Variants in ABI3BP observed in about 807,000 individuals in gnomAD.
ABI3BP encodes ABI family member 3 binding protein, also known as target of Nesh-SH3.
ABI3BP carries 216 observed loss-of-function variants against 268.6 expected under a neutral mutation model. That is an observed-to-expected ratio of 0.80 (90% CI 0.72 to 0.90). The LOEUF is 0.90. Ranked by LOEUF, ABI3BP falls within the 40% of genes least tolerant of loss-of-function variation. The pLI is 0.00. For missense variants in ABI3BP, 2,090 were observed against 2,182.4 expected (o/e 0.96, Z 0.84); for synonymous variants, 730 against 730.0 (o/e 1.00, Z 0.00).
In ABI3BP at chr3:100,789,238, A is replaced by T. The variant is rs544197751; in HGVS notation, c.4087+216T>A. On this transcript the variant is annotated intron_variant, in intron 56 of 67. Coordinates refer to ENST00000471714, the MANE Select transcript of ABI3BP (RefSeq NM_001375547.2). Reference sequence around the variant, plus strand: ...TACTTTTAAATCAATAAAATTTCATAGTGATCTCTGCATCTGATTATCCTC... The same window carrying T: ...TACTTTTAAATCAATAAAATTTCATTGTGATCTCTGCATCTGATTATCCTC... 7.9e-5 allele frequency among the ~76,000 whole-genome samples: 12 copies of T among 152,226 alleles called. No homozygotes were observed. The South Asian group carries it at 2.3e-3, about 29-fold the overall frequency.
intron 51 of ABI3BP, 41 bp downstream of exon 51, chr3:100,804,750 CA>C: frequency 1.3e-6 from 2 of 1,539,142 alleles, no homozygotes; most frequent in Middle Eastern, 1.7e-4. Context: ...CAGAGTGGGA[CA>C]GTAGAATGCA....
intron 38 of ABI3BP, among the ~76,000 whole-genome samples, chr3:100,821,597 C>CTTTTTTT (rs369631203): frequency 2.5e-5 from 3 of 119,136 alleles, no homozygotes; most frequent in Admixed American, 8.9e-5. Flanking sequence ...TGAAGTAAGA[C>CTTTTTTT]TTTTTTTTTT....
chr3:100,990,762 G>A (rs1287860925), intron 1 of ABI3BP, among the ~76,000 whole-genome samples: 1 of 152,038 alleles, frequency 6.6e-6, no homozygotes, highest in African/African-American at 2.4e-5. Flanking sequence ...AGAGGAACCT[G>A]CCTATCTGGC....
chr3:100,754,916 G>A (rs1354436019), intron 63 of ABI3BP, among the ~76,000 whole-genome samples: 3 of 152,132 alleles, frequency 2.0e-5, no homozygotes, highest in Non-Finnish European at 2.9e-5. Flanking sequence ...TAATAAAAAA[G>A]ATGGTTGTCT....
At chr3:100,848,694 T>G in intron 18 of ABI3BP, 107 bp downstream of exon 18, 1 of 1,073,824 alleles carries the variant, frequency 9.3e-7, no homozygotes, top group South Asian at 1.3e-5. Flanking sequence ...CCCAAAGTGC[T>G]GGAGTTGCAG....
intron 63 of ABI3BP, among the ~76,000 whole-genome samples, chr3:100,762,046 C>T (rs968729668): frequency 2.6e-5 from 4 of 152,130 alleles, no homozygotes; most frequent in Non-Finnish European, 4.4e-5. Flanking sequence ...TCAACTTTGC[C>T]ATACACTTTG....
chr3:100,897,700 A>G (rs1449671572), intron 4 of ABI3BP, among the ~76,000 whole-genome samples: 1 of 152,206 alleles, frequency 6.6e-6, no homozygotes, highest in African/African-American at 2.4e-5. Flanking sequence ...CCTGATGGGT[A>G]TTGGATACAT....
intron 2 of ABI3BP, among the ~76,000 whole-genome samples, chr3:100,910,063 T>C (rs2055576518): frequency 6.6e-6 from 1 of 151,926 alleles, no homozygotes; most frequent in Admixed American, 6.6e-5. Flanking sequence ...ATGTGGCACA[T>C]ATACACTATG....
intron 2 of ABI3BP, among the ~76,000 whole-genome samples, chr3:100,918,274 ATCCACCCG>A (rs1460302276): frequency 1.3e-5 from 2 of 149,602 alleles, no homozygotes. Flanking sequence ...CCACCTATTC[ATCCACCCG>A]TCCACCCATC....
rs1248408883 is a variant in ABI3BP at position 100,808,233 on chromosome 3, G to A, written c.3610C>T (p.Pro1204Ser). ...SPDEPQTEPA[P>S]KQTPRAPPKP... ...GGAGGAGCACGTGGTGTCTGCTTGG[G>A]AGCTAAAAGAAAGGATATAGGTTCG... Residue 1204 changes from proline to serine, a missense_variant and splice_region_variant, in exon 50 of 68, where the codon CCC becomes TCC. Coordinates refer to ENST00000471714, the MANE Select transcript of ABI3BP (RefSeq NM_001375547.2). 7.5e-6 allele frequency: 12 copies of A among 1,607,622 alleles called. No individual in the cohort carries two copies. In the South Asian group the frequency reaches 1.2e-4, roughly 16 times the overall value.
chr3:100,844,309 T>C (rs1269309885), intron 20 of ABI3BP: 1 of 985,284 alleles, frequency 1.0e-6, no homozygotes, highest in Non-Finnish European at 1.2e-6. Flanking sequence ...AGCTTAAAGA[T>C]TAAACCATGA....
intron 1 of ABI3BP, among the ~76,000 whole-genome samples, chr3:100,931,354 G>A (rs1394474792): frequency 6.6e-6 from 1 of 151,944 alleles, no homozygotes; most frequent in Non-Finnish European, 1.5e-5. Context: ...AGAGCAATCA[G>A]GAAAGAGAAA....
Position 100,750,051 on chromosome 3 carries a change from A to ATAAT in ABI3BP, c.*440_*443dup. On this transcript the variant is annotated 3_prime_UTR_variant, in exon 68 of 68. Coordinates refer to ENST00000471714, the MANE Select transcript of ABI3BP (RefSeq NM_001375547.2). ...TTTTCCCCAGATATACATGCTGAAGATAATTTGATCCAATAAGTTAAACTA... is the reference window on the plus strand; with the variant it reads ...TTTTCCCCAGATATACATGCTGAAGATAATTAATTTGATCCAATAAGTTAAACTA... 1 of 272,326 alleles carries ATAAT rather than the reference A, an allele frequency of 3.7e-6. No individual in the cohort carries two copies. Among genetic ancestry groups the ATAAT allele is most frequent in the South Asian group, 1.7e-4 (1 of 5,934 alleles). 16.9% of individuals were successfully genotyped at this position (272,326 alleles called of 1,614,324 possible).
chr3:100,942,294 G>A (rs2153717985), intron 1 of ABI3BP, among the ~76,000 whole-genome samples: 1 of 152,196 alleles, frequency 6.6e-6, no homozygotes, highest in South Asian at 2.1e-4. Flanking sequence ...TATAAAAGGG[G>A]TGGAAGAAAG....
chr3:100,852,935 A>G (rs551434107), intron 14 of ABI3BP, among the ~76,000 whole-genome samples: 2 of 152,226 alleles, frequency 1.3e-5, no homozygotes, highest in Admixed American at 6.5e-5. Context: ...GATATAGAGA[A>G]CACATGAATT....
Position 100,844,998 on chromosome 3 carries a change from C to T in ABI3BP, c.1723+1374G>A, listed in dbSNP as rs562042610. ...TCTTAGAAACCACTGAAATGAATAA[C>T]GCAACCTATCATATATAAACTATAA... On this transcript the variant is annotated intron_variant, in intron 20 of 67. Transcript: ENST00000471714. 1.6e-4 allele frequency among the ~76,000 whole-genome samples: 25 copies of T among 152,242 alleles called. No homozygotes were observed. The South Asian group carries it at 3.9e-3, about 24-fold the overall frequency.
At chr3:100,809,588 A>T (rs55672735) in intron 49 of ABI3BP, among the ~76,000 whole-genome samples, 21,017 of 152,086 alleles carry the variant, frequency 0.14, 1,885 homozygotes, top group South Asian at 0.27. Flanking sequence ...GATTTCTTTT[A>T]GTTAAAAAAC....
intron 1 of ABI3BP, among the ~76,000 whole-genome samples, chr3:100,944,212 T>C (rs2070991248): frequency 6.6e-6 from 1 of 152,162 alleles, no homozygotes. Context: ...TAGATAAGTT[T>C]AACTGTTTTT....
chr3:100,825,865 A>C, intron 34 of ABI3BP, 21 bp from the exon 35 acceptor site: 1 of 1,510,022 alleles, frequency 6.6e-7, no homozygotes, highest in Non-Finnish European at 8.9e-7. Flanking sequence ...AAGATAAACA[A>C]AAGAGATGGT....
Sources: allele counts gnomAD v4.1 joint callset (sites outside exome capture counted in the v4.1 genomes callset), GRCh38; gene constraint gnomAD v4.1.1; transcripts MANE v1.5; gene names NCBI Gene and HGNC (gene_info 2026-07-23, HGNC 2026-07-21).